Variants in FER1L6 observed in about 807,000 individuals in gnomAD.
FER1L6 encodes fer-1 like family member 6.
FER1L6 carries 177 observed loss-of-function variants against 219.2 expected under a neutral mutation model. The observed-to-expected ratio is 0.81, with a 90% CI of 0.71 to 0.91. The LOEUF (loss-of-function observed/expected upper bound fraction) is 0.91. Among genes scored for constraint, FER1L6 ranks in the 40% least tolerant of loss-of-function variants. The pLI is 0.00. For synonymous variants in FER1L6, 768 were observed against 824.3 expected, an observed-to-expected ratio of 0.93 and a Z score of 1.17; for missense variants, 2,153 against 2,259.9, an observed-to-expected ratio of 0.95 and a Z score of 0.96.
At chr8:124,035,215 A>T in intron 18 of FER1L6, 62 bp from the exon 19 acceptor site, 1 of 1,538,512 alleles carries the variant, frequency 6.5e-7, no homozygotes, top group Non-Finnish European at 8.8e-7. Context: ...TCTTTTCTCA[A>T]AAGGGGAGGC....
rs746176333 is a variant in FER1L6, at chr8:124,069,409, GAAGA to G, written c.3773_3776del (p.Lys1258ThrfsTer37). 2.5e-5 allele frequency: 41 copies of G among 1,612,328 alleles called. No individual in the cohort carries two copies. The highest frequency in any genetic ancestry group is 8.4e-5 in the Admixed American group (5 of 59,598). On this transcript the variant is annotated frameshift_variant, in exon 29 of 41. Transcript: ENST00000522917. LOFTEE classifies it high-confidence loss of function. Reference sequence around the variant, plus strand: ...TAGATATAGAAGATGGGCCAAAGAAGAAGAAAGACAAAATGCTCAAGAAGAAACC... The same window carrying G: ...TAGATATAGAAGATGGGCCAAAGAAGAAGACAAAATGCTCAAGAAGAAACC...
intron 1 of FER1L6, among the ~76,000 whole-genome samples, chr8:123,889,883 G>A (rs982532106): frequency 2.6e-5 from 4 of 152,108 alleles, no homozygotes; most frequent in African/African-American, 7.2e-5. Context: ...GATGGTCTGC[G>A]TAAGTCATAT....
chr8:124,072,063 GT>G (rs1285363347), intron 31 of FER1L6, among the ~76,000 whole-genome samples: 1 of 152,178 alleles, frequency 6.6e-6, no homozygotes, highest in Non-Finnish European at 1.5e-5. Flanking sequence ...AAACAGACAT[GT>G]TATGGCTTTT....
chr8:123,974,224 G>A (rs565374049), intron 7 of FER1L6, among the ~76,000 whole-genome samples: 1 of 152,312 alleles, frequency 6.6e-6, no homozygotes, highest in African/African-American at 2.4e-5. Context: ...GCGTGCAGCA[G>A]CCTGAGTGTG....
intron 1 of FER1L6, among the ~76,000 whole-genome samples, chr8:123,880,897 CAGGAT>C (rs1817096375): frequency 3.3e-5 from 3 of 91,086 alleles, no homozygotes. Context: ...ACACACATAT[CAGGAT>C]CCAGTTGGGG....
chr8:124,088,955 G>A (rs1821900274), intron 33 of FER1L6, among the ~76,000 whole-genome samples: 1 of 152,032 alleles, frequency 6.6e-6, no homozygotes, highest in Non-Finnish European at 1.5e-5. Flanking sequence ...GTGCTGCCTG[G>A]GATTAGGGGA....
At chr8:123,916,578 A>G (rs1813197156) in intron 1 of FER1L6, among the ~76,000 whole-genome samples, 1 of 152,206 alleles carries the variant, frequency 6.6e-6, no homozygotes, top group South Asian at 2.1e-4. Context: ...GTGGCATTAT[A>G]AATAGTTCTT....
intron 1 of FER1L6, among the ~76,000 whole-genome samples, chr8:123,912,356 C>T (rs1486438335): frequency 6.6e-6 from 1 of 151,990 alleles, no homozygotes; most frequent in Non-Finnish European, 1.5e-5. Context: ...TTTGATGATG[C>T]CAAAGCTGAC....
chr8:124,071,885 A>G (rs1021438206), intron 31 of FER1L6, among the ~76,000 whole-genome samples: 8 of 152,000 alleles, frequency 5.3e-5, no homozygotes, highest in Admixed American at 2.0e-4. Context: ...GGAGAGTGCG[A>G]GCTCTGATAT....
intron 5 of FER1L6, among the ~76,000 whole-genome samples, chr8:123,966,765 T>G (rs1448083836): frequency 6.6e-6 from 1 of 152,214 alleles, no homozygotes; most frequent in Non-Finnish European, 1.5e-5. Context: ...CTAAATATCG[T>G]ACATGCTAAA....
intron 6 of FER1L6, among the ~76,000 whole-genome samples, chr8:123,970,424 G>T (rs559153573): frequency 4.1e-4 from 62 of 151,406 alleles, no homozygotes; most frequent in African/African-American, 1.4e-3. Flanking sequence ...GTTTTAGTTT[G>T]TTTTTTTTTA....
intron 39 of FER1L6, among the ~76,000 whole-genome samples, chr8:124,110,036 A>G (rs549580755): frequency 4.7e-4 from 71 of 151,962 alleles, no homozygotes; most frequent in African/African-American, 1.7e-3. Context: ...TGTTCCCCTA[A>G]CTAATCACAT....
intron 13 of FER1L6, among the ~76,000 whole-genome samples, chr8:124,009,033 A>AG (rs1817792999): frequency 6.6e-6 from 1 of 152,146 alleles, no homozygotes; most frequent in Admixed American, 6.5e-5. Flanking sequence ...AATAAAAAAA[A>AG]TAGATGTTGG....
At chr8:123,982,452 G>A (rs956376951) in intron 11 of FER1L6, among the ~76,000 whole-genome samples, 1 of 152,180 alleles carries the variant, frequency 6.6e-6, no homozygotes, top group African/African-American at 2.4e-5. Flanking sequence ...GGCTGTTGGA[G>A]GGTGTATCTT....
intron 1 of FER1L6, among the ~76,000 whole-genome samples, chr8:123,882,393 A>G (rs1586438034): frequency 6.6e-6 from 1 of 152,292 alleles, no homozygotes; most frequent in Non-Finnish European, 1.5e-5. Context: ...GAATAGAGTT[A>G]GGGTTAGAAC....
Position 124,030,569 on chromosome 8 carries a change from G to A in FER1L6, c.2287-4708G>A, listed in dbSNP as rs538907200. Among the ~76,000 whole-genome samples, 8 of 152,116 alleles carry A rather than the reference G, an allele frequency of 5.3e-5. No homozygotes were observed. In the South Asian group the frequency reaches 1.2e-3, roughly 24 times the overall value. On this transcript the variant is annotated intron_variant, in intron 18 of 40. Transcript: ENST00000522917. The stretch of plus-strand genomic sequence containing the variant: ...AGATGCTCTCAGAGCCCAGAGGGTG[G>A]CGCTCAACCTTCCTCTTCTCCTTGA...
chr8:123,858,938 A>C (rs1816695282), intron 1 of FER1L6, among the ~76,000 whole-genome samples: 1 of 152,258 alleles, frequency 6.6e-6, no homozygotes. Context: ...GTTTTTAAAA[A>C]ATTTTAATTG....
At chr8:124,037,977 G>A (rs902760204) in intron 19 of FER1L6, among the ~76,000 whole-genome samples, 8 of 152,208 alleles carry the variant, frequency 5.3e-5, no homozygotes, top group Admixed American at 2.0e-4. Context: ...TCTGTCCATG[G>A]CTAGCTTGAC....
intron 1 of FER1L6, among the ~76,000 whole-genome samples, chr8:123,869,755 A>C (rs149785593): frequency 6.6e-5 from 10 of 152,366 alleles, no homozygotes; most frequent in African/African-American, 2.4e-4. Flanking sequence ...AGAGAAGCAA[A>C]GTTAGAAGGC....
Sources: gnomAD v4.1 joint callset for allele counts (sites outside exome capture counted in the v4.1 genomes callset) on GRCh38, gnomAD v4.1.1 for gene constraint, MANE v1.5 for transcripts, NCBI Gene and HGNC (gene_info 2026-07-23, HGNC 2026-07-21) for gene names.